Variants in TMC2 observed in about 807,000 individuals in gnomAD.
The protein encoded by TMC2 is transmembrane channel like 2, also known as transmembrane channel-like protein 2.
Under a neutral mutation model 105.9 loss-of-function variants are expected in TMC2, and 102 were observed. The ratio of observed to expected loss-of-function variants is 0.96; its 90% CI spans 0.82 to 1.14. The LOEUF is 1.14. TMC2 is among the 50% of genes most tolerant of loss of function. The pLI is 0.00. For missense variants in TMC2, 1,093 were observed against 1,134.3 expected (o/e 0.96, Z 0.52); for synonymous variants, 402 against 422.8 (o/e 0.95, Z 0.60).
At chr20:2,633,061 T>A (rs996461420) in intron 17 of TMC2, among the ~76,000 whole-genome samples, 3 of 152,246 alleles carry the variant, frequency 2.0e-5, no homozygotes, top group African/African-American at 7.2e-5. Context: ...TAAAGTCTGT[T>A]TTCTTTGTTG....
chr20:2,601,000 A>G (rs565861135), intron 10 of TMC2, among the ~76,000 whole-genome samples: 167 of 151,776 alleles, frequency 1.1e-3, no homozygotes, highest in Non-Finnish European at 2.1e-3. Context: ...AAAAAAAAAA[A>G]AAAAAGAAAA....
chr20:2,588,321 A>G (rs1046736327), intron 7 of TMC2, among the ~76,000 whole-genome samples: 3 of 152,182 alleles, frequency 2.0e-5, no homozygotes, highest in African/African-American at 7.2e-5. Context: ...TCTGCCAACA[A>G]TAAGTGAGCT....
At chr20:2,580,208 A>G (rs998726936) in intron 7 of TMC2, 152 bp downstream of exon 7, 3 of 488,228 alleles carry the variant, frequency 6.1e-6, no homozygotes, top group Non-Finnish European at 1.1e-5. Flanking sequence ...TTGCATTAAA[A>G]GTAATTTTAA....
Position 2,591,892 on chromosome 20 carries a change from G to A in TMC2, c.835-418G>A, listed in dbSNP as rs749652813. ...AATAGAGCCGGGCTCAGTGGTTCAC[G>A]CCTGTAATCCTGGCACTTTGGGAGG... is the stretch of plus-strand genomic sequence containing the variant. On this transcript the variant is annotated intron_variant, in intron 7 of 19. Transcript: ENST00000358864. Among the ~76,000 whole-genome samples the A allele has an allele frequency of 3.3e-5, 5 of 152,094 alleles. No individual in the cohort carries two copies. In the South Asian group the frequency reaches 6.2e-4, roughly 19 times the overall value.
intron 14 of TMC2, 25 bp downstream of exon 14, chr20:2,613,347 C>A: frequency 6.2e-7 from 1 of 1,613,928 alleles, no homozygotes. Context: ...CATGGACATT[C>A]CGCACAAAGG....
At chr20:2,567,968 G>A (rs2086076242) in intron 4 of TMC2, among the ~76,000 whole-genome samples, 1 of 152,070 alleles carries the variant, frequency 6.6e-6, no homozygotes, top group African/African-American at 2.4e-5. Flanking sequence ...AAATAGCCTG[G>A]AAGAAAATGC....
At chr20:2,612,960 A>C (rs1327441269) in intron 13 of TMC2, among the ~76,000 whole-genome samples, 1 of 152,258 alleles carries the variant, frequency 6.6e-6, no homozygotes, top group East Asian at 1.9e-4. Flanking sequence ...ATCAACTTCA[A>C]GAGGTTCAGA....
chr20:2,638,803 G>A (rs1444634888), intron 19 of TMC2, among the ~76,000 whole-genome samples: 1 of 152,142 alleles, frequency 6.6e-6, no homozygotes, highest in African/African-American at 2.4e-5. Flanking sequence ...TTTTGTACAG[G>A]TGGTCAGTGT....
At position 2,592,557 on chromosome 20, in the gene TMC2, G is replaced by A. The variant is rs1343037208; in HGVS notation, c.933+149G>A. On this transcript the variant is annotated intron_variant, in intron 8 of 19. Transcript: ENST00000358864. The surrounding 1 kb of genome is among the most constrained non-coding windows in gnomAD (Gnocchi z 4.9). ...TAAGCTAAATGAGCTTGCAAACCAT[G>A]TCTCTGCACAGTCTTCCCGGGTCTC... The A allele has an allele frequency of 6.3e-6, 4 of 638,330 alleles. No individual in the cohort carries two copies. In the East Asian group the frequency reaches 1.1e-4, roughly 18 times the overall value. 39.5% of individuals were successfully genotyped at this position (638,330 alleles called of 1,614,324 possible).
chr20:2,612,697 C>CA (rs1298123885), intron 13 of TMC2, among the ~76,000 whole-genome samples: 3 of 150,986 alleles, frequency 2.0e-5, no homozygotes, highest in African/African-American at 4.9e-5. Flanking sequence ...CTCTATATAT[C>CA]AAAAAAAAGA....
intron 7 of TMC2, among the ~76,000 whole-genome samples, chr20:2,584,393 G>A (rs1335175181): frequency 2.1e-5 from 3 of 141,100 alleles, no homozygotes; most frequent in Admixed American, 6.9e-5. Flanking sequence ...GCAGTGAGCC[G>A]AGATCCCGCC....
intron 2 of TMC2, among the ~76,000 whole-genome samples, chr20:2,556,723 AG>A (rs778002140): frequency 1.3e-5 from 2 of 152,250 alleles, no homozygotes; most frequent in Non-Finnish European, 2.9e-5. Context: ...TAGGCAACAG[AG>A]TCCCTGTTTC....
chr20:2,550,302 T>C lies in TMC2; in HGVS notation c.83-8154T>C, dbSNP rs192290053. On this transcript the variant is annotated intron_variant, in intron 2 of 19. Transcript: ENST00000358864. The stretch of plus-strand genomic sequence containing the variant: ...AGGCAGAGGCTGTAGTGTGCTGAGA[T>C]TGTGCCACTGCACTCCAACCTGGGC... Among the ~76,000 whole-genome samples, 499 of 152,234 alleles carry C rather than the reference T, an allele frequency of 3.3e-3. 3 individuals carry two copies. The highest frequency in any genetic ancestry group is 0.011 in the African/African-American group (446 of 41,554).
At chr20:2,635,257 G>T (rs1247517518) in intron 17 of TMC2, among the ~76,000 whole-genome samples, 1 of 152,138 alleles carries the variant, frequency 6.6e-6, no homozygotes, top group East Asian at 1.9e-4. Context: ...AAACCCATAA[G>T]GTCAGGGCCA....
At chr20:2,570,645 A>C (rs1012367871) in intron 4 of TMC2, among the ~76,000 whole-genome samples, 1 of 148,348 alleles carries the variant, frequency 6.7e-6, no homozygotes, top group Non-Finnish European at 1.5e-5. Flanking sequence ...AAATAGAAAA[A>C]AAGATTCTAA....
chr20:2,596,090 C>T (rs1384951916), intron 9 of TMC2, among the ~76,000 whole-genome samples: 2 of 152,116 alleles, frequency 1.3e-5, no homozygotes, highest in Non-Finnish European at 2.9e-5. Flanking sequence ...GCTAACTAAG[C>T]CCTGTGGAAC....
intron 2 of TMC2, among the ~76,000 whole-genome samples, chr20:2,542,420 T>A (rs1327659512): frequency 1.3e-5 from 2 of 152,174 alleles, no homozygotes; most frequent in African/African-American, 2.4e-5. Context: ...CTAAGAGTTG[T>A]CTCTGGAGTA....
At chr20:2,556,774 C>G (rs2085987792) in intron 2 of TMC2, among the ~76,000 whole-genome samples, 2 of 151,990 alleles carry the variant, frequency 1.3e-5, no homozygotes. Flanking sequence ...CAAGGCAGGT[C>G]TACTGACAAC....
At chr20:2,602,800 C>T (rs1246352859) in intron 11 of TMC2, among the ~76,000 whole-genome samples, 1 of 152,234 alleles carries the variant, frequency 6.6e-6, no homozygotes, top group Non-Finnish European at 1.5e-5. Flanking sequence ...CCATAAACCT[C>T]TTTCGGGAAT....
Sources: allele counts gnomAD v4.1 joint callset (sites outside exome capture counted in the v4.1 genomes callset), GRCh38; gene constraint gnomAD v4.1.1; non-coding constraint Gnocchi (gnomAD v3.1); transcripts MANE v1.5; gene names NCBI Gene and HGNC (gene_info 2026-07-23, HGNC 2026-07-21).